Variants in AMY2A observed in about 807,000 individuals in gnomAD.
AMY2A encodes the protein pancreatic alpha-amylase.
Under a neutral mutation model 43.0 loss-of-function variants are expected in AMY2A, and 16 were observed. The observed-to-expected ratio is 0.37, with a 90% CI of 0.25 to 0.56. The LOEUF (loss-of-function observed/expected upper bound fraction) is 0.56. Among genes scored for constraint, AMY2A ranks in the 20% least tolerant of loss-of-function variants. The pLI, the probability that AMY2A is intolerant of heterozygous loss-of-function variation, is 0.77. For missense variants in AMY2A, 212 were observed against 456.8 expected, an observed-to-expected ratio of 0.46 and a Z score of 4.89; for synonymous variants, 70 against 144.6, an observed-to-expected ratio of 0.48 and a Z score of 3.70.
chr1:103,619,538 ATTT>A lies in AMY2A; in HGVS notation c.514-13_514-11del. The A allele has an allele frequency of 1.2e-6, 2 of 1,603,916 alleles. No individual in the cohort carries two copies. The highest frequency in any genetic ancestry group is 1.7e-6 in the Non-Finnish European group (2 of 1,171,670). On this transcript the variant is annotated splice_polypyrimidine_tract_variant and intron_variant, in intron 3 of 9. Transcript: ENST00000414303. The stretch of plus-strand genomic sequence containing the variant: ...TGAGGTTTTATGAATCAATCATAAC[ATTT>A]TTACCTCAACAGGTCAGAGATTGTC...
Position 103,619,660 on chromosome 1 carries a change from C to T in AMY2A, c.620C>T (p.Ala207Val). 1 of 1,613,714 alleles carries T rather than the reference C, an allele frequency of 6.2e-7. No individual in the cohort carries two copies. The highest frequency in any genetic ancestry group is 1.1e-5 in the South Asian group (1 of 91,074). ...AACCATCTCATTGACATTGGTGTTGCAGGGTTCAGACTTGATGCTTCCAAG... is the reference window on the plus strand; with the variant it reads ...AACCATCTCATTGACATTGGTGTTGTAGGGTTCAGACTTGATGCTTCCAAG... ...YMNHLIDIGV[A>V]GFRLDASKHM... Residue 207 changes from alanine to valine, a missense_variant, in exon 4 of 10, where the codon GCA becomes GTA. By Grantham distance (64) the Ala-to-Val change is moderately conservative. Transcript: ENST00000414303.
intron 7 of AMY2A, among the ~76,000 whole-genome samples, chr1:103,623,529 C>G (rs1322925456): frequency 1.2e-5 from 1 of 80,298 alleles, no homozygotes; most frequent in Non-Finnish European, 2.4e-5. Context: ...ATAGGAGGAT[C>G]GCTTGAGCCT....
Position 103,617,626 on chromosome 1 carries a change from T to C in AMY2A, c.168+18T>C, listed in dbSNP as rs376515544. The C allele has an allele frequency of 1.2e-6, 2 of 1,600,942 alleles. No individual in the cohort carries two copies. The highest frequency in any genetic ancestry group is 1.7e-5 in the Admixed American group (1 of 59,728). On this transcript the variant is annotated intron_variant, in intron 1 of 9. Coordinates refer to ENST00000414303, the MANE Select transcript of AMY2A (RefSeq NM_000699.4). ...GGGTTCAGGTGGGTATGATTCATAG[T>C]ATCAATTGCGGAATTCACTGTGCTT...
intron 4 of AMY2A, 150 bp downstream of exon 4, chr1:103,619,934 A>G (rs1007188334): frequency 7.0e-7 from 1 of 1,421,906 alleles, no homozygotes; most frequent in Non-Finnish European, 9.6e-7. Context: ...CACATACAGC[A>G]TATCTAATTC....
intron 2 of AMY2A, among the ~76,000 whole-genome samples, 183 bp downstream of exon 2, chr1:103,618,283 A>G (rs896562869): frequency 1.3e-5 from 2 of 150,752 alleles, no homozygotes; most frequent in Non-Finnish European, 3.0e-5. Context: ...TGTGTGTGCT[A>G]TCTACTAAAG....
intron 4 of AMY2A, 164 bp downstream of exon 4, chr1:103,619,948 A>G (rs1236881979): frequency 7.2e-7 from 1 of 1,394,212 alleles, no homozygotes; most frequent in African/African-American, 1.4e-5. Flanking sequence ...CTAATTCTTT[A>G]TCACAACATG....
chr1:103,617,024 C>T (rs547290069), upstream of AMY2A: 57 of 1,042,764 alleles, frequency 5.5e-5, no homozygotes, highest in South Asian at 1.5e-3. Flanking sequence ...TGGGCTGTTA[C>T]TTACCTTGAG....
chr1:103,617,638 A>G, intron 1 of AMY2A, 30 bp downstream of exon 1: 1 of 1,600,930 alleles, frequency 6.2e-7, no homozygotes, highest in Non-Finnish European at 8.5e-7. Flanking sequence ...TCAATTGCGG[A>G]ATTCACTGTG....
upstream of AMY2A, chr1:103,617,165 A>C (rs1390420521): frequency 1.0e-6 from 1 of 988,824 alleles, no homozygotes; most frequent in Non-Finnish European, 1.4e-6. Flanking sequence ...ATGTGAGAAC[A>C]TTAGGCCCCA....
At chr1:103,617,235 A>G, upstream of AMY2A, 1 of 1,192,976 alleles carries the variant, frequency 8.4e-7, no homozygotes, top group South Asian at 1.6e-5. Flanking sequence ...AAAAACATTA[A>G]TATCTAAAAG....
At chr1:103,619,298 TCAA>T (rs1653167700) in intron 3 of AMY2A, among the ~76,000 whole-genome samples, 190 bp downstream of exon 3, 1 of 150,374 alleles carries the variant, frequency 6.7e-6, no homozygotes, top group African/African-American at 2.4e-5. Context: ...AGATTTTTAA[TCAA>T]TACACATTTG....
Position 103,618,001 on chromosome 1 carries a change from T to C in AMY2A, c.216T>C (p.Pro72=). The change falls in exon 2 of 10, where the codon CCT becomes CCC. Residue 72 remains proline, a synonymous_variant. Coordinates refer to ENST00000414303, the MANE Select transcript of AMY2A (RefSeq NM_000699.4). ...ENVAIYNPFR[P]WWERYQPVSY... ...TTGCAATTTACAACCCTTTCAGACC[T>C]TGGTGGGAAAGATACCAACCAGTTA... 6.2e-7 allele frequency: 1 copy of C among 1,600,644 alleles called. No individual in the cohort carries two copies. The highest frequency in any genetic ancestry group is 1.1e-5 in the South Asian group (1 of 90,864).
At chr1:103,616,959 C>G (rs530664353), upstream of AMY2A, 32 of 1,030,872 alleles carry the variant, frequency 3.1e-5, 1 homozygote, top group African/African-American at 1.7e-4. Context: ...GTTGGAAAGT[C>G]CAAGCCATAG....
At chr1:103,618,331 G>T (rs995403910) in intron 2 of AMY2A, among the ~76,000 whole-genome samples, 1 of 150,640 alleles carries the variant, frequency 6.6e-6, no homozygotes, top group Admixed American at 6.6e-5. Context: ...TGCTTCTAAA[G>T]CAAAACATCA....
chr1:103,620,059 A>C (rs1653198563), intron 4 of AMY2A, among the ~76,000 whole-genome samples: 1 of 148,992 alleles, frequency 6.7e-6, no homozygotes, highest in South Asian at 2.1e-4. Context: ...ATTTCAGTCG[A>C]TACTAAATGT....
chr1:103,617,291 T>A (rs758019415), upstream of AMY2A: 108 of 1,434,962 alleles, frequency 7.5e-5, 5 homozygotes, highest in Non-Finnish European at 8.4e-5. Context: ...GTTCTTTACC[T>A]GTTAGGATTA....
upstream of AMY2A, chr1:103,617,027 A>C (rs185570908): frequency 1.9e-6 from 2 of 1,039,902 alleles, no homozygotes; most frequent in African/African-American, 3.4e-5. Flanking sequence ...GCTGTTACTT[A>C]CCTTGAGTTG....
rs1279678965 is a variant in AMY2A, at chr1:103,617,544, G to T, written c.104G>T (p.Arg35Leu). ...RTSIVHLFEW[R>L]WVDIALECER... The stretch of plus-strand genomic sequence containing the variant: ...TCTATTGTTCATCTGTTTGAATGGC[G>T]ATGGGTTGATATTGCTCTTGAATGT... Residue 35 changes from arginine to leucine, a missense_variant, in exon 1 of 10, where the codon CGA becomes CTA. Coordinates refer to ENST00000414303, the MANE Select transcript of AMY2A (RefSeq NM_000699.4). 1.4e-5 allele frequency: 23 copies of T among 1,600,856 alleles called. 2 individuals carry two copies. Among genetic ancestry groups the T allele is most frequent in the Non-Finnish European group, 2.0e-5 (23 of 1,170,868 alleles).
chr1:103,618,136 C>G (rs200162793), intron 2 of AMY2A, 36 bp downstream of exon 2: 3 of 1,585,566 alleles, frequency 1.9e-6, no homozygotes, highest in East Asian at 4.5e-5. Context: ...AAATAACAGA[C>G]AGGAAAATGG....
Sources: gnomAD v4.1 joint callset for allele counts (sites outside exome capture counted in the v4.1 genomes callset) on GRCh38, gnomAD v4.1.1 for gene constraint, MANE v1.5 for transcripts, NCBI Gene and HGNC (gene_info 2026-07-23, HGNC 2026-07-21) for gene names.